ASXL3: variants seen among roughly 807,000 people sequenced by gnomAD.
ASXL3 encodes the protein ASXL transcriptional regulator 3, also known as putative Polycomb group protein ASXL3.
Under a neutral mutation model 170.6 loss-of-function variants are expected in ASXL3, and 34 were observed. The ratio of observed to expected loss-of-function variants is 0.20; its 90% CI spans 0.15 to 0.27. The LOEUF is 0.27. Ranked by LOEUF, ASXL3 falls within the 10% of genes least tolerant of loss-of-function variation. ASXL3 has a pLI of 1.00. For missense variants in ASXL3, 2,592 were observed against 2,695.3 expected (o/e 0.96, Z 0.85); for synonymous variants, 1,002 against 989.1 (o/e 1.01, Z -0.24).
intron 4 of ASXL3, among the ~76,000 whole-genome samples, chr18:33,658,594 A>G (rs908294084): frequency 2.0e-5 from 3 of 152,138 alleles, no homozygotes; most frequent in African/African-American, 7.2e-5. Flanking sequence ...CTTAAAAATA[A>G]GTTATTTAAC....
chr18:33,651,927 T>G (rs539809466), intron 4 of ASXL3, among the ~76,000 whole-genome samples: 1 of 152,226 alleles, frequency 6.6e-6, no homozygotes, highest in South Asian at 2.1e-4. Flanking sequence ...AAGTGGTATA[T>G]TTTTAATTGT....
intron 8 of ASXL3, among the ~76,000 whole-genome samples, chr18:33,683,892 A>G (rs1430301053): frequency 6.6e-6 from 1 of 152,204 alleles, no homozygotes; most frequent in Admixed American, 6.5e-5. Context: ...CAGAGGGAAT[A>G]CTGAAATGCA....
intron 4 of ASXL3, 34 bp from the exon 5 acceptor site, chr18:33,661,582 A>T: frequency 6.4e-7 from 1 of 1,572,808 alleles, no homozygotes; most frequent in Non-Finnish European, 8.6e-7. Context: ...AAGGAATTCA[A>T]ATTAGTAATA....
chr18:33,699,834 AT>A (rs2066839396), intron 8 of ASXL3, among the ~76,000 whole-genome samples: 1 of 151,798 alleles, frequency 6.6e-6, no homozygotes, highest in South Asian at 2.1e-4. Flanking sequence ...TGTGAAAGCT[AT>A]TTTTTTCTTA....
At chr18:33,724,285 T>A (rs917823404) in intron 8 of ASXL3, among the ~76,000 whole-genome samples, 4 of 152,158 alleles carry the variant, frequency 2.6e-5, no homozygotes, top group African/African-American at 7.2e-5. Context: ...ATTGTTTCCT[T>A]CAGTGGCTTT....
intron 2 of ASXL3, among the ~76,000 whole-genome samples, chr18:33,627,560 T>C (rs2065620812): frequency 6.6e-6 from 1 of 152,142 alleles, no homozygotes; most frequent in Non-Finnish European, 1.5e-5. Flanking sequence ...AGTTGTAGTC[T>C]CCTTGTTCAC....
intron 7 of ASXL3, among the ~76,000 whole-genome samples, chr18:33,672,222 A>G (rs1363808351): frequency 2.0e-5 from 3 of 152,190 alleles, no homozygotes; most frequent in African/African-American, 4.8e-5. Flanking sequence ...CTTGGAAGAA[A>G]AAAATGCAGT....
Position 33,743,913 on chromosome 18 carries a change from T to C in ASXL3, c.4065T>C (p.Thr1355=). 1 of 1,613,998 alleles carries C rather than the reference T, an allele frequency of 6.2e-7. No homozygotes were observed. The change falls in exon 12 of 12, where the codon ACT becomes ACC. Residue 1355 remains threonine, a synonymous_variant. Transcript: ENST00000269197. ...SIGNNLPNLS[T]SSVLIPPMGI... ...GAAACAATTTGCCAAACCTCTCCAC[T>C]AGCTCTGTCTTGATTCCCCCAATGG...
intron 8 of ASXL3, among the ~76,000 whole-genome samples, chr18:33,729,559 G>A (rs1340159595): frequency 6.6e-6 from 1 of 152,020 alleles, no homozygotes. Flanking sequence ...TGTGCTTCAC[G>A]TTAAGCTCCC....
intron 4 of ASXL3, among the ~76,000 whole-genome samples, chr18:33,659,085 T>C (rs1387639632): frequency 6.6e-6 from 1 of 152,078 alleles, no homozygotes; most frequent in Non-Finnish European, 1.5e-5. Flanking sequence ...AGGTCAGAAA[T>C]AGAGCAACTG....
chr18:33,671,890 A>C, intron 7 of ASXL3, 24 bp downstream of exon 7: 2 of 1,472,808 alleles, frequency 1.4e-6, no homozygotes, highest in Non-Finnish European at 9.0e-7. Flanking sequence ...AGACTATGCC[A>C]TTTCACATTT....
intron 4 of ASXL3, among the ~76,000 whole-genome samples, chr18:33,652,197 G>T (rs2066009373): frequency 6.6e-6 from 1 of 151,772 alleles, no homozygotes; most frequent in Non-Finnish European, 1.5e-5. Context: ...GAGATTTATG[G>T]GTATGTTTGT....
At chr18:33,581,421 G>A (rs531027275) in intron 1 of ASXL3, among the ~76,000 whole-genome samples, 2 of 151,912 alleles carry the variant, frequency 1.3e-5, no homozygotes, top group South Asian at 4.2e-4. Context: ...CGTTAAGAAT[G>A]ATCTTCCAAT....
chr18:33,725,904 C>G (rs1443074156), intron 8 of ASXL3, among the ~76,000 whole-genome samples: 2 of 152,100 alleles, frequency 1.3e-5, no homozygotes, highest in East Asian at 1.9e-4. Context: ...TGAATATTCT[C>G]CTTCCTCTCT....
At chr18:33,661,008 G>A (rs935011418) in intron 4 of ASXL3, among the ~76,000 whole-genome samples, 1 of 152,108 alleles carries the variant, frequency 6.6e-6, no homozygotes, top group Non-Finnish European at 1.5e-5. Context: ...ATAAAAATGA[G>A]CAGTTGTACT....
rs201305732 is a variant in ASXL3 at position 33,738,923 on chromosome 18, G to A, written c.1519G>A (p.Asp507Asn). 1.2e-6 allele frequency: 2 copies of A among 1,613,514 alleles called. No homozygotes were observed. The highest frequency in any genetic ancestry group is 1.7e-6 in the Non-Finnish European group (2 of 1,179,676). ...DNLESCVMMNDVLETLPHIEV... is the reference protein window; with the variant it reads ...DNLESCVMMNNVLETLPHIEV... ...CTTGGAATCCTGTGTTATGATGAAT[G>A]ATGTTTTAGAAACTTTGCCTCATAT... Residue 507 changes from aspartate (D) to asparagine (N), a missense_variant, in exon 11 of 12, where the codon GAT (aspartate) becomes AAT (asparagine). Around this residue, in one of 4 missense-constraint regions of ASXL3, gnomAD observed 2,246 missense variants for 2,219.6 expected, o/e 1.01. Transcript: ENST00000269197.
chr18:33,729,301 A>G (rs1194117977), intron 8 of ASXL3, among the ~76,000 whole-genome samples: 1 of 152,088 alleles, frequency 6.6e-6, no homozygotes, highest in Admixed American at 6.5e-5. Flanking sequence ...GCATTTTTCT[A>G]CAGTCTGTTG....
At chr18:33,710,876 TTTTG>T (rs1434953634) in intron 8 of ASXL3, among the ~76,000 whole-genome samples, 2 of 152,184 alleles carry the variant, frequency 1.3e-5, no homozygotes, top group Admixed American at 6.5e-5. Flanking sequence ...TTTTATGGGT[TTTTG>T]TTTGGGGGGG....
chr18:33,732,582 G>A (rs2067469737), intron 9 of ASXL3, among the ~76,000 whole-genome samples: 1 of 152,094 alleles, frequency 6.6e-6, no homozygotes, highest in African/African-American at 2.4e-5. Context: ...AGCCAGGCGT[G>A]GTGGCTCACT....
Sources: allele counts gnomAD v4.1 joint callset (sites outside exome capture counted in the v4.1 genomes callset), GRCh38; gene constraint gnomAD v4.1.1; regional missense constraint gnomAD v4.1.1; transcripts MANE v1.5; gene names NCBI Gene and HGNC (gene_info 2026-07-23, HGNC 2026-07-21).